TGFBR3: variants seen among roughly 807,000 people sequenced by gnomAD.
The protein encoded by TGFBR3 is transforming growth factor beta receptor type 3.
A neutral mutation model predicts 87.9 loss-of-function variants in TGFBR3; 46 were observed. That is an observed-to-expected ratio of 0.52 (90% CI 0.41 to 0.67). The LOEUF (loss-of-function observed/expected upper bound fraction) is 0.67, where lower values mean the gene tolerates loss of function less well. Ranked by LOEUF, TGFBR3 falls within the 30% of genes least tolerant of loss-of-function variation. TGFBR3 has a pLI of 0.00. For missense variants in TGFBR3, 866 were observed against 1,041.9 expected, an observed-to-expected ratio of 0.83 and a Z score of 2.32; for synonymous variants, 381 against 391.6, an observed-to-expected ratio of 0.97 and a Z score of 0.32.
intron 7 of TGFBR3, among the ~76,000 whole-genome samples, chr1:91,725,004 A>G (rs879510626): frequency 7.2e-5 from 11 of 152,208 alleles, no homozygotes; most frequent in Non-Finnish European, 1.2e-4. Context: ...ATGAAATAAT[A>G]TAAGAGGAAA....
At chr1:91,813,259 G>T (rs1041635051) in intron 2 of TGFBR3, among the ~76,000 whole-genome samples, 1 of 152,182 alleles carries the variant, frequency 6.6e-6, no homozygotes, top group African/African-American at 2.4e-5. Flanking sequence ...AACCATCAAA[G>T]AAAGTTAAGC....
intron 1 of TGFBR3, among the ~76,000 whole-genome samples, chr1:91,867,567 C>T (rs978325002): frequency 1.3e-5 from 2 of 152,194 alleles, no homozygotes; most frequent in African/African-American, 4.8e-5. Flanking sequence ...TGGGTGTTGA[C>T]ACATTTCACA....
chr1:91,753,390 CAAAAAAAAA>C (rs71586711), intron 4 of TGFBR3, among the ~76,000 whole-genome samples: 18 of 52,354 alleles, frequency 3.4e-4, no homozygotes, highest in Non-Finnish European at 4.4e-4. Flanking sequence ...ACTCTGTCCT[CAAAAAAAAA>C]AAAAAAAAAA....
chr1:91,878,352 CA>C (rs1366820257), intron 1 of TGFBR3, among the ~76,000 whole-genome samples: 2 of 151,306 alleles, frequency 1.3e-5, no homozygotes, highest in Non-Finnish European at 2.9e-5. Context: ...ATGAAATTTC[CA>C]AATAGTCTCC....
chr1:91,816,208 T>C (rs1182792810), intron 2 of TGFBR3, among the ~76,000 whole-genome samples: 3 of 152,090 alleles, frequency 2.0e-5, no homozygotes. Flanking sequence ...GATTGGTCAC[T>C]TAGTAATTAA....
intron 14 of TGFBR3, among the ~76,000 whole-genome samples, chr1:91,699,431 CT>C (rs60223260): frequency 0.14 from 11,147 of 80,326 alleles, 186 homozygotes; most frequent in East Asian, 0.28. Flanking sequence ...CTTTCTTTTG[CT>C]TTTTTTTTTT....
At chr1:91,869,730 G>GTTA (rs1342765380) in intron 1 of TGFBR3, among the ~76,000 whole-genome samples, 2 of 152,172 alleles carry the variant, frequency 1.3e-5, no homozygotes, top group Non-Finnish European at 2.9e-5. Context: ...AATAACAAGA[G>GTTA]TTATGTATAA....
intron 14 of TGFBR3, among the ~76,000 whole-genome samples, chr1:91,708,373 A>G (rs1222210353): frequency 6.6e-6 from 1 of 152,182 alleles, no homozygotes; most frequent in African/African-American, 2.4e-5. Flanking sequence ...TGCATACTCA[A>G]GGAAGCATAT....
intron 2 of TGFBR3, among the ~76,000 whole-genome samples, chr1:91,800,550 C>T (rs1034475975): frequency 1.3e-5 from 2 of 151,448 alleles, no homozygotes; most frequent in African/African-American, 4.9e-5. Flanking sequence ...CTTGGCTTGA[C>T]GTTTAAATAC....
At chr1:91,858,264 C>G (rs1388883989) in intron 2 of TGFBR3, among the ~76,000 whole-genome samples, 1 of 152,018 alleles carries the variant, frequency 6.6e-6, no homozygotes, top group African/African-American at 2.4e-5. Flanking sequence ...CCCAAAAAAC[C>G]ATTTTGTAAA....
chr1:91,787,053 C>T (rs988188138), intron 3 of TGFBR3, among the ~76,000 whole-genome samples: 1 of 151,826 alleles, frequency 6.6e-6, no homozygotes, highest in Non-Finnish European at 1.5e-5. Context: ...CTATAATCCC[C>T]GCACTTTGGG....
intron 2 of TGFBR3, among the ~76,000 whole-genome samples, chr1:91,840,906 G>A (rs987014649): frequency 6.6e-6 from 1 of 152,040 alleles, no homozygotes; most frequent in Non-Finnish European, 1.5e-5. Flanking sequence ...CACCTCCAGG[G>A]TTCAAGCAAT....
At chr1:91,900,258 C>T (rs1357358405) in intron 1 of TGFBR3, among the ~76,000 whole-genome samples, 4 of 152,048 alleles carry the variant, frequency 2.6e-5, no homozygotes, top group Admixed American at 1.3e-4. Context: ...GGACTACAGG[C>T]GTGTGCCACC....
intron 3 of TGFBR3, among the ~76,000 whole-genome samples, chr1:91,781,825 A>C (rs1674778059): frequency 1.3e-5 from 2 of 152,176 alleles, no homozygotes; most frequent in African/African-American, 4.8e-5. Flanking sequence ...TTTAAATGCA[A>C]ATAGGAGAGC....
At chr1:91,790,326 T>C (rs1165070787) in intron 3 of TGFBR3, among the ~76,000 whole-genome samples, 1 of 152,216 alleles carries the variant, frequency 6.6e-6, no homozygotes, top group Non-Finnish European at 1.5e-5. Flanking sequence ...CTAGTAGCCA[T>C]GGGCTATATA....
chr1:91,765,539 T>C (rs1003678544), intron 3 of TGFBR3, among the ~76,000 whole-genome samples: 5 of 152,016 alleles, frequency 3.3e-5, no homozygotes, highest in African/African-American at 1.2e-4. Flanking sequence ...CCAGGCTTTG[T>C]AGGACAAGCC....
chr1:91,809,284 A>G (rs1675945796), intron 2 of TGFBR3, among the ~76,000 whole-genome samples: 1 of 152,244 alleles, frequency 6.6e-6, no homozygotes, highest in Non-Finnish European at 1.5e-5. Context: ...AGAAAGAAAA[A>G]GATGGGAGAA....
intron 4 of TGFBR3, among the ~76,000 whole-genome samples, chr1:91,737,643 A>T (rs1673010465): frequency 6.6e-6 from 1 of 152,146 alleles, no homozygotes; most frequent in Non-Finnish European, 1.5e-5. Flanking sequence ...TAGAACAAAG[A>T]ATTCCTTCGT....
At chr1:91,799,424 G>T (rs913060664) in intron 2 of TGFBR3, among the ~76,000 whole-genome samples, 4 of 152,192 alleles carry the variant, frequency 2.6e-5, no homozygotes, top group African/African-American at 9.7e-5. Flanking sequence ...AACCATATGG[G>T]CAGGTGCTCC....
Sources: gnomAD v4.1 joint callset for allele counts (sites outside exome capture counted in the v4.1 genomes callset) on GRCh38, gnomAD v4.1.1 for gene constraint, MANE v1.5 for transcripts, NCBI Gene and HGNC (gene_info 2026-07-23, HGNC 2026-07-21) for gene names.